Variants in ZMAT3 observed in about 807,000 individuals in gnomAD.
ZMAT3 encodes zinc finger matrin-type protein 3.
ZMAT3 carries 17 observed loss-of-function variants against 32.3 expected under a neutral mutation model. The ratio of observed to expected loss-of-function variants is 0.53; its 90% CI spans 0.36 to 0.79. The LOEUF (loss-of-function observed/expected upper bound fraction) is 0.79. ZMAT3 is among the 30% of genes least tolerant of loss of function. The pLI is 0.00. For missense variants in ZMAT3, 329 were observed against 359.7 expected (o/e 0.91, Z 0.69); for synonymous variants, 120 against 133.1 (o/e 0.90, Z 0.68).
In ZMAT3 at chr3:179,050,186, G is replaced by A. The variant is rs1044162521; in HGVS notation, c.270+17297C>T. Among the ~76,000 whole-genome samples the A allele has an allele frequency of 2.6e-5, 4 of 151,910 alleles. No homozygotes were observed. In the South Asian group the frequency reaches 8.3e-4, roughly 32 times the overall value. On this transcript the variant is annotated intron_variant, in intron 2 of 5. Transcript: ENST00000311417. ...ATACAAAAGATTAAGTGAAACAAAAGGTTGGTTTTTTGACAAGATAAATAA... is the reference window on the plus strand; with the variant it reads ...ATACAAAAGATTAAGTGAAACAAAAAGTTGGTTTTTTGACAAGATAAATAA...
Position 179,018,520 on chromosome 3 carries a change from T to C in ZMAT3, c.*6497A>G, listed in dbSNP as rs1370650734. The C allele has an allele frequency of 2.6e-5, 4 of 152,266 alleles. No individual in the cohort carries two copies. Among genetic ancestry groups the C allele is most frequent in the African/African-American group, 7.2e-5 (3 of 41,566 alleles). 9.4% of individuals were successfully genotyped at this position (152,266 alleles called of 1,614,324 possible). ...GCCCAAAGGAAGTGTTCAGTTACTT[T>C]GGAAGCCATGAATTTTATCAAACAC... On this transcript the variant is annotated 3_prime_UTR_variant, in exon 6 of 6. Transcript: ENST00000311417.
At chr3:179,039,746 G>A (rs1442616150) in intron 2 of ZMAT3, among the ~76,000 whole-genome samples, 1 of 152,144 alleles carries the variant, frequency 6.6e-6, no homozygotes, top group Non-Finnish European at 1.5e-5. Flanking sequence ...GGTGACAGAA[G>A]TAGACTTCAG....
intron 3 of ZMAT3, among the ~76,000 whole-genome samples, chr3:179,030,513 C>T (rs999247198): frequency 6.6e-6 from 1 of 152,046 alleles, no homozygotes; most frequent in Admixed American, 6.6e-5. Context: ...CGCCACCACG[C>T]CTGGCTAATT....
chr3:179,058,552 C>T lies in ZMAT3; in HGVS notation c.270+8931G>A, dbSNP rs549134012. Among the ~76,000 whole-genome samples, 24 of 152,148 alleles carry T rather than the reference C, an allele frequency of 1.6e-4. No individual in the cohort carries two copies. In the South Asian group the frequency reaches 3.9e-3, roughly 25 times the overall value. ...CGGGCGGATCACGAGGTCAGGAGATCGAGACCATCCTAGCTAAAACGGTGA... is the reference window on the plus strand; with the variant it reads ...CGGGCGGATCACGAGGTCAGGAGATTGAGACCATCCTAGCTAAAACGGTGA... On this transcript the variant is annotated intron_variant, in intron 2 of 5. Transcript: ENST00000311417.
At chr3:179,038,292 G>C (rs1719715933) in intron 2 of ZMAT3, among the ~76,000 whole-genome samples, 2 of 152,122 alleles carry the variant, frequency 1.3e-5, no homozygotes, top group South Asian at 4.1e-4. Flanking sequence ...TAAAACCATG[G>C]AACTAGGGCC....
rs976389999 is a variant in ZMAT3 at position 179,028,158 on chromosome 3, A to G, written c.391-346T>C. 3.9e-5 allele frequency among the ~76,000 whole-genome samples: 6 copies of G among 152,238 alleles called. No homozygotes were observed. The South Asian group carries it at 1.0e-3, about 26-fold the overall frequency. On this transcript the variant is annotated intron_variant, in intron 3 of 5. Coordinates refer to ENST00000311417, the MANE Select transcript of ZMAT3 (RefSeq NM_022470.4). ...CATTACGGGAAACAGTAAAGTCTGC[A>G]GAATCCATCGATAAGCATTTAGTGA...
rs112034830 is a variant in ZMAT3 at position 179,045,783 on chromosome 3, A to T, written c.271-14784T>A. Among the ~76,000 whole-genome samples, 41 of 152,366 alleles carry T rather than the reference A, an allele frequency of 2.7e-4. 1 individual carries two copies. Among genetic ancestry groups the T allele is most frequent in the African/African-American group, 9.6e-4 (40 of 41,590 alleles). ...TAGATGGCAAATACAAATGTTTATT[A>T]TATTTTTGGTACCTTATATCTGAAG... On this transcript the variant is annotated intron_variant, in intron 2 of 5. Coordinates refer to ENST00000311417, the MANE Select transcript of ZMAT3 (RefSeq NM_022470.4).
rs895310662 is a variant in ZMAT3, at chr3:179,019,328, C to T, written c.*5689G>A. The T allele has an allele frequency of 6.6e-6, 1 of 151,776 alleles. No individual in the cohort carries two copies. Among genetic ancestry groups the T allele is most frequent in the African/African-American group, 2.4e-5 (1 of 41,360 alleles). The allele number at this position is 151,776 out of a possible 1,614,324, so 9.4% of individuals were successfully genotyped here. A position where few individuals can be genotyped will look rare whatever the true frequency, so the allele number is the denominator to read the frequency against. Reference sequence around the variant, plus strand: ...CTCAGATTATCAACTTCATACACCACTTTCAAAATAGATATTTAAACGAAT... The same window carrying T: ...CTCAGATTATCAACTTCATACACCATTTTCAAAATAGATATTTAAACGAAT... On this transcript the variant is annotated 3_prime_UTR_variant, in exon 6 of 6. Coordinates refer to ENST00000311417, the MANE Select transcript of ZMAT3 (RefSeq NM_022470.4).
chr3:179,035,762 T>C (rs1270823417), intron 2 of ZMAT3, among the ~76,000 whole-genome samples: 1 of 152,190 alleles, frequency 6.6e-6, no homozygotes. Flanking sequence ...AACCAAGTAT[T>C]ATAATGAAGA....
At chr3:179,065,262 A>G (rs2108588650) in intron 2 of ZMAT3, among the ~76,000 whole-genome samples, 1 of 152,154 alleles carries the variant, frequency 6.6e-6, no homozygotes, top group East Asian at 1.9e-4. Flanking sequence ...AAAAATTCTG[A>G]TTTTTGAGAA....
chr3:179,029,500 G>A (rs1719065291), intron 3 of ZMAT3, among the ~76,000 whole-genome samples: 1 of 151,906 alleles, frequency 6.6e-6, no homozygotes, highest in Admixed American at 6.6e-5. Flanking sequence ...GTCTCGCTCT[G>A]TCACCCAGAC....
chr3:179,063,002 A>T (rs566593952), intron 2 of ZMAT3, among the ~76,000 whole-genome samples: 1 of 152,356 alleles, frequency 6.6e-6, no homozygotes, highest in Non-Finnish European at 1.5e-5. Flanking sequence ...CAAGTCTCAC[A>T]ATCCTGCAGA....
rs1024921121 is a variant in ZMAT3 at position 179,046,403 on chromosome 3, A to C, written c.271-15404T>G. ...CAGACAGGAGGCAGGACTAACTAGC[A>C]GCTCCCACTCAGATGGACAGAGCAG... On this transcript the variant is annotated intron_variant, in intron 2 of 5. Transcript: ENST00000311417. The surrounding 1 kb of genome is among the most constrained non-coding windows in gnomAD (Gnocchi z 4.3). 3.9e-5 allele frequency among the ~76,000 whole-genome samples: 6 copies of C among 152,114 alleles called. No homozygotes were observed. Among genetic ancestry groups the C allele is most frequent in the South Asian group, 4.1e-4 (2 of 4,824 alleles).
chr3:179,065,796 C>G (rs1308267328), intron 2 of ZMAT3, among the ~76,000 whole-genome samples: 1 of 152,078 alleles, frequency 6.6e-6, no homozygotes, highest in East Asian at 1.9e-4. Flanking sequence ...ATCCCAGCTA[C>G]TCGAGAGGGT....
chr3:179,038,679 G>A (rs1014904261), intron 2 of ZMAT3, among the ~76,000 whole-genome samples: 3 of 152,232 alleles, frequency 2.0e-5, no homozygotes, highest in Admixed American at 6.5e-5. Flanking sequence ...ATTTTGAACT[G>A]AGGTACCTGG....
intron 2 of ZMAT3, among the ~76,000 whole-genome samples, 178 bp from the exon 3 acceptor site, chr3:179,031,177 T>C (rs933799706): frequency 1.1e-4 from 17 of 152,132 alleles, no homozygotes; most frequent in African/African-American, 4.1e-4. Context: ...AATTAATTAT[T>C]GTTGTTATTC....
At chr3:179,061,304 T>C (rs756274648) in intron 2 of ZMAT3, among the ~76,000 whole-genome samples, 1 of 152,000 alleles carries the variant, frequency 6.6e-6, no homozygotes, top group Non-Finnish European at 1.5e-5. Context: ...AATAGTGGGG[T>C]TGAGATTTAG....
At chr3:179,056,460 A>G (rs1316958072) in intron 2 of ZMAT3, among the ~76,000 whole-genome samples, 2 of 152,148 alleles carry the variant, frequency 1.3e-5, no homozygotes, top group African/African-American at 4.8e-5. Context: ...GGACACTTTA[A>G]AAAAGATTAT....
intron 1 of ZMAT3, among the ~76,000 whole-genome samples, chr3:179,069,797 T>G (rs1484887274): frequency 6.6e-6 from 1 of 152,080 alleles, no homozygotes; most frequent in Admixed American, 6.5e-5. Context: ...ATCACAAAAT[T>G]TAGAAAAATG....
Sources: gnomAD v4.1 joint callset for allele counts (sites outside exome capture counted in the v4.1 genomes callset) on GRCh38, gnomAD v4.1.1 for gene constraint, Gnocchi (gnomAD v3.1) non-coding constraint, MANE v1.5 for transcripts, NCBI Gene and HGNC (gene_info 2026-07-23, HGNC 2026-07-21) for gene names.